The following KBTBD11 variants were observed in gnomAD, a reference collection of about 807,000 sequenced individuals.
The protein encoded by KBTBD11 is kelch repeat and BTB domain-containing protein 11.
For missense variants in KBTBD11, 1,390 were observed against 1,001.8 expected, an observed-to-expected ratio of 1.39 and a Z score of -5.23; for synonymous variants, 747 against 499.0, an observed-to-expected ratio of 1.50 and a Z score of -6.63.
rs73671508 is a variant in KBTBD11, at chr8:2,003,461, G to A, written c.*397G>A. On this transcript the variant is annotated 3_prime_UTR_variant, in exon 2 of 2. Coordinates refer to ENST00000320248, the MANE Select transcript of KBTBD11 (RefSeq NM_014867.3). ...CTGGGACCCTCAAGTAGGTCGCCGC[G>A]AACTATCGGGGGAAGCACGCAGAGA... 6,896 of 192,804 alleles carry A rather than the reference G, an allele frequency of 0.036. 508 individuals are homozygous for A. Among genetic ancestry groups the A allele is most frequent in the African/African-American group, 0.15 (6,456 of 42,490 alleles). The allele number at this position is 192,804 out of a possible 1,614,324, so 11.9% of individuals were successfully genotyped here. A position where few individuals can be genotyped will look rare whatever the true frequency, so the allele number is the denominator to read the frequency against.
intron 1 of KBTBD11, among the ~76,000 whole-genome samples, chr8:1,998,752 T>G (rs1817234620): frequency 6.6e-6 from 1 of 152,180 alleles, no homozygotes. Flanking sequence ...TCTTATCTGA[T>G]AGAGAAGTTT....
chr8:1,988,055 C>A (rs1323426747), intron 1 of KBTBD11, among the ~76,000 whole-genome samples: 2 of 152,172 alleles, frequency 1.3e-5, no homozygotes, highest in South Asian at 4.1e-4. Flanking sequence ...CTGCAAAGGA[C>A]ATGAACTCAT....
At chr8:1,998,311 G>A (rs930246816) in intron 1 of KBTBD11, among the ~76,000 whole-genome samples, 21 of 152,216 alleles carry the variant, frequency 1.4e-4, no homozygotes, top group Admixed American at 6.5e-5. Context: ...TGGGGGCACT[G>A]TGGGCTGCTT....
intron 1 of KBTBD11, among the ~76,000 whole-genome samples, chr8:1,979,843 C>G (rs11777210): frequency 9.0e-4 from 137 of 152,062 alleles, no homozygotes; most frequent in Non-Finnish European, 1.6e-3. Flanking sequence ...CCTCATCCCG[C>G]GTGGCTTCCA....
Position 2,002,194 on chromosome 8 carries a change from C to G in KBTBD11, c.1002C>G (p.Ala334=). ...DAAVYCFHAA[A]GEWRELTRLP... ...CCGTCTACTGCTTCCACGCGGCGGC[C>G]GGAGAGTGGCGCGAGCTGACGCGGC... is the stretch of plus-strand genomic sequence containing the variant. The change falls in exon 2 of 2, where the codon GCC becomes GCG. Residue 334 remains alanine (A), a synonymous_variant. Coordinates refer to ENST00000320248, the MANE Select transcript of KBTBD11 (RefSeq NM_014867.3). The surrounding 1 kb of genome is among the most constrained non-coding windows in gnomAD (Gnocchi z 4.1). 8.0e-7 allele frequency: 1 copy of G among 1,252,010 alleles called. No homozygotes were observed. The highest frequency in any genetic ancestry group is 1.0e-6 in the Non-Finnish European group (1 of 1,001,354). The allele number at this position is 1,252,010 out of a possible 1,614,324, so 77.6% of individuals were successfully genotyped here.
intron 1 of KBTBD11, among the ~76,000 whole-genome samples, 196 bp from the exon 2 acceptor site, chr8:2,000,089 A>G (rs1817283312): frequency 1.3e-5 from 2 of 152,184 alleles, no homozygotes; most frequent in South Asian, 4.1e-4. Flanking sequence ...TCGAGAGGGT[A>G]CTTTAAAAAA....
chr8:1,985,284 C>T (rs966502794), intron 1 of KBTBD11, among the ~76,000 whole-genome samples: 8 of 152,258 alleles, frequency 5.3e-5, no homozygotes, highest in Admixed American at 1.3e-4. Flanking sequence ...GTCAGGAGCT[C>T]GTCAGAGCAA....
At chr8:1,989,191 C>T (rs4487820) in intron 1 of KBTBD11, among the ~76,000 whole-genome samples, 21,074 of 152,134 alleles carry the variant, frequency 0.14, 1,770 homozygotes, top group Non-Finnish European at 0.17. Context: ...AGTCGGGCCA[C>T]AGGGAAGGGC....
chr8:2,001,330 G>T lies in KBTBD11; in HGVS notation c.138G>T (p.Gly46=). The T allele has an allele frequency of 1.3e-6, 2 of 1,516,448 alleles. No individual in the cohort carries two copies. The highest frequency in any genetic ancestry group is 1.8e-6 in the Non-Finnish European group (2 of 1,140,090). The allele number at this position is 1,516,448 out of a possible 1,614,324, so 93.9% of individuals were successfully genotyped here. The change falls in exon 2 of 2, where the codon GGG becomes GGT. Residue 46 remains glycine, a synonymous_variant. Transcript: ENST00000320248. The stretch of plus-strand genomic sequence containing the variant: ...GCGCGTCCCTGTGCTTCAGCTCCGG[G>T]GAAGAGTCCCCGCCGCAGTCCCTCG... ...SLGASLCFSS[G]EESPPQSLAS... is the part of the protein sequence containing the mutation.
At chr8:1,986,389 G>T (rs1267092137) in intron 1 of KBTBD11, among the ~76,000 whole-genome samples, 4 of 152,186 alleles carry the variant, frequency 2.6e-5, no homozygotes, top group African/African-American at 9.7e-5. Flanking sequence ...CCTCCTTTCA[G>T]TTTATACCAA....
intron 1 of KBTBD11, among the ~76,000 whole-genome samples, chr8:1,993,621 A>G (rs1817018650): frequency 6.6e-6 from 1 of 150,514 alleles, no homozygotes. Context: ...GCCTGTGCTA[A>G]TGGTAGAGTG....
At chr8:1,981,580 T>C (rs1474014606) in intron 1 of KBTBD11, among the ~76,000 whole-genome samples, 3 of 152,232 alleles carry the variant, frequency 2.0e-5, no homozygotes, top group Admixed American at 6.5e-5. Context: ...AGGGTGTTCC[T>C]GGAAGAGATT....
In KBTBD11 at chr8:2,001,374, C is replaced by T. The variant is rs1817343690; in HGVS notation, c.182C>T (p.Ala61Val). The T allele has an allele frequency of 3.4e-6, 5 of 1,468,788 alleles. No homozygotes were observed. The highest frequency in any genetic ancestry group is 4.5e-6 in the Non-Finnish European group (5 of 1,114,024). 91.0% of individuals were successfully genotyped at this position (1,468,788 alleles called of 1,614,324 possible). The change falls in exon 2 of 2, where the codon GCG becomes GTG. Residue 61 changes from alanine (A) to valine (V), a missense_variant. Physicochemically the swap from Ala to Val is moderately conservative, Grantham distance 64. Transcript: ENST00000320248. ...TCCCTCGCCTCAGCGGCGGAAGGCGCGGCCACCTCCCCGCCCTCCAGCGGT... is the reference window on the plus strand; with the variant it reads ...TCCCTCGCCTCAGCGGCGGAAGGCGTGGCCACCTCCCCGCCCTCCAGCGGT... Reference protein sequence around the residue: ...PQSLASAAEGAATSPPSSGGP... With the variant: ...PQSLASAAEGVATSPPSSGGP...
At chr8:1,977,947 A>T (rs1816405636) in intron 1 of KBTBD11, among the ~76,000 whole-genome samples, 1 of 152,206 alleles carries the variant, frequency 6.6e-6, no homozygotes, top group African/African-American at 2.4e-5. Flanking sequence ...TTGTTCCAAT[A>T]TCATGGTGGT....
chr8:1,996,221 G>A (rs1233891373), intron 1 of KBTBD11, among the ~76,000 whole-genome samples: 1 of 152,230 alleles, frequency 6.6e-6, no homozygotes, highest in Non-Finnish European at 1.5e-5. Context: ...GGACGCTGTG[G>A]TCTAACAGGG....
At chr8:1,976,518 C>T (rs1357737847) in intron 1 of KBTBD11, 5 of 152,126 alleles carry the variant, frequency 3.3e-5, no homozygotes, top group Non-Finnish European at 5.9e-5. Flanking sequence ...GAAGGATTAG[C>T]ATGAATTTCC....
intron 1 of KBTBD11, among the ~76,000 whole-genome samples, chr8:1,980,331 T>G (rs111243964): frequency 0.053 from 7,928 of 148,208 alleles, 720 homozygotes; most frequent in African/African-American, 0.18. Context: ...GGTTCAAGCA[T>G]TTCTCCTGCC....
intron 1 of KBTBD11, among the ~76,000 whole-genome samples, chr8:1,982,013 G>T (rs1190636252): frequency 6.6e-6 from 1 of 152,116 alleles, no homozygotes; most frequent in Admixed American, 6.6e-5. Flanking sequence ...TAGCCTTTCT[G>T]TTGGTTCTGC....
rs748700892 is a variant in KBTBD11, at chr8:2,002,748, C to T, written c.1556C>T (p.Pro519Leu). ...GSRGEAQAAGPSGVSVSRYHC... is the reference protein window; with the variant it reads ...GSRGEAQAAGLSGVSVSRYHC... ...CGCGGCGAGGCGCAGGCGGCGGGGC[C>T]GAGCGGGGTCAGCGTGTCCCGATAC... The change falls in exon 2 of 2, where the codon CCG (proline) becomes CTG (leucine). Residue 519 changes from proline to leucine, a missense_variant. By Grantham distance (98) the Pro-to-Leu change is moderately conservative. Transcript: ENST00000320248. The surrounding 1 kb of genome is among the most constrained non-coding windows in gnomAD (Gnocchi z 4.1). The T allele has an allele frequency of 7.4e-6, 11 of 1,493,474 alleles. 1 individual carries two copies. The South Asian group carries it at 1.0e-4, about 14-fold the overall frequency. 92.5% of individuals were successfully genotyped at this position (1,493,474 alleles called of 1,614,324 possible).
Sources: allele counts gnomAD v4.1 joint callset (sites outside exome capture counted in the v4.1 genomes callset), GRCh38; gene constraint gnomAD v4.1.1; non-coding constraint Gnocchi (gnomAD v3.1); transcripts MANE v1.5; gene names NCBI Gene and HGNC (gene_info 2026-07-23, HGNC 2026-07-21).